OR5V1: variants seen among roughly 807,000 people sequenced by gnomAD.
OR5V1 encodes the protein olfactory receptor family 5 subfamily V member 1.
For missense variants in OR5V1, 365 were observed against 371.5 expected, an observed-to-expected ratio of 0.98 and a Z score of 0.14; for synonymous variants, 134 against 143.2, an observed-to-expected ratio of 0.94 and a Z score of 0.46.
rs1261982607 is a variant in OR5V1 at position 29,355,568 on chromosome 6, G to A, written c.628C>T (p.Pro210Ser). Residue 210 changes from proline to serine, a missense_variant, in exon 2 of 2, where the codon CCT (proline) becomes TCT (serine). By Grantham distance (74) the Pro-to-Ser change is moderately conservative (BLOSUM62 -1). Coordinates refer to ENST00000641768, the MANE Select transcript of OR5V1 (RefSeq NM_030876.6). ...TAGGAAAGTACGATACAAAGGAAAG[G>A]AGTCCAACCAATGAAGACCCCAGTG... ...LSTGVFIGWTPFLCIVLSYIC... is the reference protein window; with the variant it reads ...LSTGVFIGWTSFLCIVLSYIC... The A allele has an allele frequency of 2.5e-6, 4 of 1,613,954 alleles. No individual in the cohort carries two copies. Among genetic ancestry groups the A allele is most frequent in the Middle Eastern group, 1.7e-4 (1 of 6,060 alleles).
At position 29,355,991 on chromosome 6, in the gene OR5V1, T is replaced by C. The variant is rs757285994; in HGVS notation, c.205A>G (p.Ile69Val). 6.2e-7 allele frequency: 1 copy of C among 1,614,018 alleles called. No individual in the cohort carries two copies. Among genetic ancestry groups the C allele is most frequent in the East Asian group, 2.2e-5 (1 of 44,878 alleles). ...MYYFLGNLAF[I>V]DICYTTSNVP... The stretch of plus-strand genomic sequence containing the variant: ...TTGCTGGTGGTGTAGCAGATGTCAA[T>C]AAAGGCCAAGTTCCCTAGAAAATAA... Residue 69 changes from isoleucine to valine, a missense_variant, in exon 2 of 2, where the codon ATT becomes GTT. Coordinates refer to ENST00000641768, the MANE Select transcript of OR5V1 (RefSeq NM_030876.6).
At position 29,368,685 on chromosome 6, in the gene OR5V1, A is replaced by G. The variant is rs1273808596; in HGVS notation, c.-136T>C. On this transcript the variant is annotated 5_prime_UTR_variant, in exon 1 of 2. Transcript: ENST00000641768. ...ACCATTCAGACTCTGAGAGACTGAT[A>G]TGGGGCTGTTTTTAAGAATACAACG... The G allele has an allele frequency of 6.6e-6, 1 of 152,132 alleles. No homozygotes were observed. Among genetic ancestry groups the G allele is most frequent in the African/African-American group, 2.4e-5 (1 of 41,422 alleles). The allele number at this position is 152,132 out of a possible 1,614,324, so 9.4% of individuals were successfully genotyped here.
chr6:29,357,022 G>C (rs906990273), intron 1 of OR5V1, among the ~76,000 whole-genome samples: 2 of 152,016 alleles, frequency 1.3e-5, no homozygotes, highest in African/African-American at 4.8e-5. Context: ...TCAACAAGAA[G>C]CATATTGAAT....
At chr6:29,363,537 G>A (rs1475920732) in intron 1 of OR5V1, among the ~76,000 whole-genome samples, 2 of 152,126 alleles carry the variant, frequency 1.3e-5, no homozygotes, top group African/African-American at 4.8e-5. Flanking sequence ...GAACCTCGAT[G>A]CAAAAATGCT....
In OR5V1 at chr6:29,355,529, A is replaced by G. The variant is rs1778236297; in HGVS notation, c.667T>C (p.Ser223Pro). 6.2e-7 allele frequency: 1 copy of G among 1,614,034 alleles called. No homozygotes were observed. Among genetic ancestry groups the G allele is most frequent in the African/African-American group, 1.3e-5 (1 of 75,054 alleles). The stretch of plus-strand genomic sequence containing the variant: ...GAGGACTGGATCCTCAAGATGGTGG[A>G]GATTATGCAAATGTAGGAAAGTACG... ...CIVLSYICII[S>P]TILRIQSSEG... The change falls in exon 2 of 2, where the codon TCC (serine) becomes CCC (proline). Residue 223 changes from serine (S) to proline (P), a missense_variant. By Grantham distance (74) the Ser-to-Pro change is moderately conservative. Coordinates refer to ENST00000641768, the MANE Select transcript of OR5V1 (RefSeq NM_030876.6).
intron 1 of OR5V1, among the ~76,000 whole-genome samples, chr6:29,358,955 A>G (rs1778442565): frequency 1.3e-5 from 2 of 152,232 alleles, no homozygotes; most frequent in African/African-American, 4.8e-5. Flanking sequence ...TTTTCCCCAC[A>G]AAGTAATGAT....
At chr6:29,366,951 G>C (rs2151282275) in intron 1 of OR5V1, among the ~76,000 whole-genome samples, 1 of 152,226 alleles carries the variant, frequency 6.6e-6, no homozygotes, top group African/African-American at 2.4e-5. Flanking sequence ...TGTTACCCAA[G>C]TCCTCTATGT....
rs1243287971 is a variant in OR5V1, at chr6:29,356,392, T to C, written c.-82-115A>G. ...TCCTACCTACCATGCAACACAGATA[T>C]AAATACATCCAATGTTTCACCTGCA... is the stretch of plus-strand genomic sequence containing the variant. On this transcript the variant is annotated intron_variant, in intron 1 of 1. Transcript: ENST00000641768. The C allele has an allele frequency of 1.5e-5, 8 of 545,254 alleles. No individual in the cohort carries two copies. In the East Asian group the frequency reaches 2.1e-4, roughly 14 times the overall value. 33.8% of individuals were successfully genotyped at this position (545,254 alleles called of 1,614,324 possible).
rs1038895010 is a variant in OR5V1, at chr6:29,354,682, T to A, written c.*548A>T. On this transcript the variant is annotated 3_prime_UTR_variant, in exon 2 of 2. Coordinates refer to ENST00000641768, the MANE Select transcript of OR5V1 (RefSeq NM_030876.6). Reference sequence around the variant, plus strand: ...TCTTCATTCCAATGTGAAGATAAATTGGCCTTGGCCCATGCAGCAGGTGAT... The same window carrying A: ...TCTTCATTCCAATGTGAAGATAAATAGGCCTTGGCCCATGCAGCAGGTGAT... The A allele has an allele frequency of 5.9e-5, 9 of 152,176 alleles. No homozygotes were observed. The highest frequency in any genetic ancestry group is 1.0e-4 in the Non-Finnish European group (7 of 68,026). 9.4% of individuals were successfully genotyped at this position (152,176 alleles called of 1,614,324 possible).
Position 29,355,556 on chromosome 6 carries a change from T to A in OR5V1, c.640A>T (p.Ile214Phe). ...VFIGWTPFLC[I>F]VLSYICIIST... ...ATTATGCAAATGTAGGAAAGTACGA[T>A]ACAAAGGAAAGGAGTCCAACCAATG... Residue 214 changes from isoleucine to phenylalanine, a missense_variant, in exon 2 of 2, where the codon ATC becomes TTC. Ile to Phe is a conservative substitution (Grantham distance 21). Coordinates refer to ENST00000641768, the MANE Select transcript of OR5V1 (RefSeq NM_030876.6). 1.2e-6 allele frequency: 2 copies of A among 1,613,952 alleles called. No homozygotes were observed. Among genetic ancestry groups the A allele is most frequent in the Non-Finnish European group, 8.5e-7 (1 of 1,179,886 alleles).
At position 29,356,119 on chromosome 6, in the gene OR5V1, A is replaced by C. The variant is rs779435107; in HGVS notation, c.77T>G (p.Leu26Ter). 6.2e-7 allele frequency: 1 copy of C among 1,612,988 alleles called. No individual in the cohort carries two copies. The highest frequency in any genetic ancestry group is 1.3e-5 in the African/African-American group (1 of 74,948). ...AGTCAGAAAGAAGATGGTGAATAGT[A>C]AAAACTGCAATTCATTTAGGTTGGA... ...GFSNLNELQF[L>*]LFTIFFLTYF... Residue 26 changes from leucine to a stop codon, truncating the protein, a stop_gained, in exon 2 of 2, where the codon TTA becomes TGA. Coordinates refer to ENST00000641768, the MANE Select transcript of OR5V1 (RefSeq NM_030876.6). LOFTEE classifies it low-confidence loss of function (END_TRUNC).
chr6:29,363,583 T>C (rs752065004), intron 1 of OR5V1, among the ~76,000 whole-genome samples: 4 of 152,058 alleles, frequency 2.6e-5, no homozygotes, highest in Non-Finnish European at 4.4e-5. Context: ...CAGCAGCACA[T>C]CAAAAATCTT....
At chr6:29,363,012 T>C (rs1778645830) in intron 1 of OR5V1, among the ~76,000 whole-genome samples, 2 of 152,168 alleles carry the variant, frequency 1.3e-5, no homozygotes, top group Admixed American at 1.3e-4. Flanking sequence ...ATGCAGGAGC[T>C]GGTTATTTGA....
chr6:29,362,698 A>T (rs1582381843), intron 1 of OR5V1, among the ~76,000 whole-genome samples: 1 of 152,298 alleles, frequency 6.6e-6, no homozygotes, highest in East Asian at 1.9e-4. Flanking sequence ...CTGAATGACT[A>T]CTGGGTAAAT....
chr6:29,359,272 G>A (rs573050691), intron 1 of OR5V1, among the ~76,000 whole-genome samples: 8 of 152,062 alleles, frequency 5.3e-5, no homozygotes, highest in African/African-American at 1.7e-4. Flanking sequence ...AAACGCACAC[G>A]CACACAATGA....
chr6:29,358,091 G>A (rs1255354859), intron 1 of OR5V1, among the ~76,000 whole-genome samples: 1 of 152,050 alleles, frequency 6.6e-6, no homozygotes, highest in Admixed American at 6.5e-5. Context: ...TGAAGGGAGA[G>A]GATAAGTTGA....
chr6:29,358,389 G>T (rs1326532334), intron 1 of OR5V1, among the ~76,000 whole-genome samples: 2 of 152,098 alleles, frequency 1.3e-5, no homozygotes, highest in Non-Finnish European at 2.9e-5. Flanking sequence ...GAGCCATTTT[G>T]GAAAACAGTG....
intron 1 of OR5V1, among the ~76,000 whole-genome samples, chr6:29,364,239 G>C (rs1193601917): frequency 6.6e-6 from 1 of 152,050 alleles, no homozygotes; most frequent in East Asian, 1.9e-4. Flanking sequence ...ACTTACAAGG[G>C]ATGTGATGGA....
Position 29,368,726 on chromosome 6 carries a change from A to G in OR5V1, c.-177T>C, listed in dbSNP as rs1366485222. On this transcript the variant is annotated 5_prime_UTR_variant, in exon 1 of 2. Transcript: ENST00000641768. Reference sequence around the variant, plus strand: ...GAATACAACGAAGTAACACAAAATAATGTTCCCTACAGAGTCTGTGCTGAT... The same window carrying G: ...GAATACAACGAAGTAACACAAAATAGTGTTCCCTACAGAGTCTGTGCTGAT... 1 of 152,144 alleles carries G rather than the reference A, an allele frequency of 6.6e-6. No homozygotes were observed. The highest frequency in any genetic ancestry group is 1.5e-5 in the Non-Finnish European group (1 of 68,022). The allele number at this position is 152,144 out of a possible 1,614,324, so 9.4% of individuals were successfully genotyped here. A position where few individuals can be genotyped will look rare whatever the true frequency, so the allele number is the denominator to read the frequency against.
Sources: gnomAD v4.1 joint callset for allele counts (sites outside exome capture counted in the v4.1 genomes callset) on GRCh38, gnomAD v4.1.1 for gene constraint, MANE v1.5 for transcripts, NCBI Gene and HGNC (gene_info 2026-07-23, HGNC 2026-07-21) for gene names.